Variants in MPHOSPH8 observed in about 807,000 individuals in gnomAD.
MPHOSPH8 encodes M-phase phosphoprotein 8.
A neutral mutation model predicts 87.3 loss-of-function variants in MPHOSPH8; 45 were observed. The observed-to-expected ratio is 0.52, with a 90% CI of 0.41 to 0.66. MPHOSPH8 has a LOEUF of 0.66. MPHOSPH8 is among the 30% of genes least tolerant of loss of function. MPHOSPH8 has a pLI of 0.00. For synonymous variants in MPHOSPH8, 366 were observed against 376.9 expected (o/e 0.97, Z 0.33); for missense variants, 883 against 1,020.2 (o/e 0.87, Z 1.83).
At chr13:19,644,337 T>TAA (rs1874461157) in intron 2 of MPHOSPH8, among the ~76,000 whole-genome samples, 2 of 152,244 alleles carry the variant, frequency 1.3e-5, no homozygotes, top group South Asian at 4.1e-4. Flanking sequence ...TCCCAGTTAA[T>TAA]AACTATAATC....
chr13:19,662,529 C>G (rs575301073), intron 8 of MPHOSPH8, among the ~76,000 whole-genome samples: 1 of 152,182 alleles, frequency 6.6e-6, no homozygotes, highest in African/African-American at 2.4e-5. Context: ...CATGAGCCAC[C>G]GCACCCAGCT....
chr13:19,671,768 G>GT lies in MPHOSPH8; in HGVS notation c.2542-60dup, dbSNP rs1171235629. 1.5e-5 allele frequency: 22 copies of GT among 1,510,742 alleles called. No individual in the cohort carries two copies. The Middle Eastern group carries it at 5.1e-4, about 35-fold the overall frequency. The allele number at this position is 1,510,742 out of a possible 1,614,324, so 93.6% of individuals were successfully genotyped here. A position where few individuals can be genotyped will look rare whatever the true frequency, so the allele number is the denominator to read the frequency against. ...AGAAGCAAATCTTGGCCATTTGTGG[G>GT]TTTTTTCTTGTAAGAAAGGGGAAAT... On this transcript the variant is annotated intron_variant, in intron 13 of 13. Transcript: ENST00000361479.
Position 19,646,488 on chromosome 13 carries a change from G to A in MPHOSPH8, c.415G>A (p.Asp139Asn), listed in dbSNP as rs774165997. 8 of 1,553,660 alleles carry A rather than the reference G, an allele frequency of 5.1e-6. No homozygotes were observed. The highest frequency in any genetic ancestry group is 4.3e-6 in the Non-Finnish European group (5 of 1,161,490). The part of the protein sequence containing the change: ...NDIFEANSDS[D>N]QQSETKEDTS... Reference sequence around the variant, plus strand: ...CATATTTGAGGCGAACTCTGATAGCGATCAGCAAAGTGAGACAAAAGAAGA... The same window carrying A: ...CATATTTGAGGCGAACTCTGATAGCAATCAGCAAAGTGAGACAAAAGAAGA... Residue 139 changes from aspartate (D) to asparagine (N), a missense_variant, in exon 3 of 14, where the codon GAT (aspartate) becomes AAT (asparagine). This residue lies in a region of MPHOSPH8 where 39 missense variants were observed against 82.4 expected (regional missense o/e 0.47). Coordinates refer to ENST00000361479, the MANE Select transcript of MPHOSPH8 (RefSeq NM_017520.4).
chr13:19,634,040 G>C, intron 1 of MPHOSPH8, 79 bp downstream of exon 1: 2 of 1,421,880 alleles, frequency 1.4e-6, no homozygotes, highest in South Asian at 1.2e-5. Flanking sequence ...GAAACAGCAC[G>C]GGCAGACCCA....
intron 5 of MPHOSPH8, among the ~76,000 whole-genome samples, chr13:19,652,419 T>C (rs1357082988): frequency 1.3e-5 from 2 of 152,150 alleles, no homozygotes; most frequent in African/African-American, 2.4e-5. Flanking sequence ...GCTTTTCCCA[T>C]GGTCTTCGCA....
At chr13:19,641,338 T>G (rs1380083046) in intron 1 of MPHOSPH8, among the ~76,000 whole-genome samples, 3 of 151,116 alleles carry the variant, frequency 2.0e-5, no homozygotes, top group African/African-American at 7.3e-5. Context: ...TTTTTTTTTT[T>G]TTGAGATGGA....
intron 1 of MPHOSPH8, among the ~76,000 whole-genome samples, chr13:19,641,321 A>AT (rs35454448): frequency 5.5e-4 from 59 of 106,456 alleles, no homozygotes; most frequent in African/African-American, 7.2e-4. Context: ...TGCCCAGCTA[A>AT]TTTTTTTTTT....
intron 1 of MPHOSPH8, among the ~76,000 whole-genome samples, chr13:19,635,658 A>G (rs1873970726): frequency 6.6e-6 from 1 of 152,222 alleles, no homozygotes; most frequent in Non-Finnish European, 1.5e-5. Context: ...TCACCAGTCT[A>G]AAGAGGGTGA....
chr13:19,668,525 C>T lies in MPHOSPH8; in HGVS notation c.2323C>T (p.Pro775Ser), dbSNP rs369382546. 5 of 1,612,940 alleles carry T rather than the reference C, an allele frequency of 3.1e-6. No individual in the cohort carries two copies. Among genetic ancestry groups the T allele is most frequent in the African/African-American group, 2.7e-5 (2 of 74,838 alleles). ...DFNYKPPQNI[P>S]EGSGILLFIF... ...CAATTACAAACCCCCACAGAACATA[C>T]CAGAAGGTAAGCCGATGCCTCCCTT... The change falls in exon 11 of 14, where the codon CCA becomes TCA. Residue 775 changes from proline (P) to serine (S), a missense_variant. By Grantham distance (74) the Pro-to-Ser change is moderately conservative. Around this residue, in one of 3 missense-constraint regions of MPHOSPH8, gnomAD observed 741 missense variants for 841.5 expected, o/e 0.88. Transcript: ENST00000361479.
chr13:19,650,799 T>A (rs1874804828), intron 5 of MPHOSPH8, among the ~76,000 whole-genome samples: 1 of 152,214 alleles, frequency 6.6e-6, no homozygotes. Context: ...AAACTTTGTA[T>A]AATTTGTGAA....
At chr13:19,636,238 C>T (rs1874000184) in intron 1 of MPHOSPH8, among the ~76,000 whole-genome samples, 1 of 152,196 alleles carries the variant, frequency 6.6e-6, no homozygotes, top group Non-Finnish European at 1.5e-5. Flanking sequence ...CATTGACAAA[C>T]TTAAGGGTAC....
chr13:19,652,222 G>C (rs1874890051), intron 5 of MPHOSPH8, among the ~76,000 whole-genome samples: 1 of 152,316 alleles, frequency 6.6e-6, no homozygotes, highest in Admixed American at 6.5e-5. Flanking sequence ...ATTTCCAACT[G>C]AGGTACCCGG....
At chr13:19,668,817 GT>G (rs1261922053) in intron 11 of MPHOSPH8, among the ~76,000 whole-genome samples, 3 of 152,182 alleles carry the variant, frequency 2.0e-5, no homozygotes, top group African/African-American at 7.2e-5. Context: ...AGCCTAGAAT[GT>G]TTTTTCCCTG....
chr13:19,666,104 G>C (rs951210897), intron 9 of MPHOSPH8, among the ~76,000 whole-genome samples: 1 of 152,212 alleles, frequency 6.6e-6, no homozygotes, highest in Non-Finnish European at 1.5e-5. Context: ...GCTTAGCAAG[G>C]CCTGGTGTCT....
intron 7 of MPHOSPH8, 73 bp from the exon 8 acceptor site, chr13:19,661,625 G>T: frequency 6.9e-7 from 1 of 1,446,822 alleles, no homozygotes; most frequent in Non-Finnish European, 9.3e-7. Context: ...GAAACATCTC[G>T]AGTGAGAAGA....
chr13:19,668,845 A>G (rs1403268206), intron 11 of MPHOSPH8, among the ~76,000 whole-genome samples: 1 of 152,134 alleles, frequency 6.6e-6, no homozygotes, highest in Admixed American at 6.5e-5. Flanking sequence ...GTTGTTTGTA[A>G]TAGTCTTTGC....
intron 1 of MPHOSPH8, among the ~76,000 whole-genome samples, chr13:19,634,925 GCATT>G (rs1565930536): frequency 1.3e-5 from 2 of 152,090 alleles, no homozygotes; most frequent in African/African-American, 4.8e-5. Flanking sequence ...AATTTTTTGC[GCATT>G]CATTCAGCAT....
Position 19,673,311 on chromosome 13 carries a change from T to C in MPHOSPH8, c.*1436T>C, listed in dbSNP as rs1876261533. 1 of 322,472 alleles carries C rather than the reference T, an allele frequency of 3.1e-6. No individual in the cohort carries two copies. 20.0% of individuals were successfully genotyped at this position (322,472 alleles called of 1,614,324 possible). ...TGTTTTGTTCCTCATTAGTTTATAA[T>C]TGTATGAAATACGATTTTAATGAAA... On this transcript the variant is annotated 3_prime_UTR_variant, in exon 14 of 14. Coordinates refer to ENST00000361479, the MANE Select transcript of MPHOSPH8 (RefSeq NM_017520.4).
chr13:19,668,559 T>C, intron 11 of MPHOSPH8, 28 bp downstream of exon 11: 1 of 1,594,482 alleles, frequency 6.3e-7, no homozygotes, highest in Non-Finnish European at 8.6e-7. Flanking sequence ...TTCACACTTT[T>C]CTATGTGAAG....
Sources: gnomAD v4.1 joint callset for allele counts (sites outside exome capture counted in the v4.1 genomes callset) on GRCh38, gnomAD v4.1.1 for gene constraint, gnomAD v4.1.1 regional missense constraint, MANE v1.5 for transcripts, NCBI Gene and HGNC (gene_info 2026-07-23, HGNC 2026-07-21) for gene names.